The following TAFA1 variants were observed in gnomAD, a reference collection of about 807,000 sequenced individuals.
The protein encoded by TAFA1 is TAFA chemokine like family member 1.
Under a neutral mutation model 18.5 loss-of-function variants are expected in TAFA1, and 4 were observed. The observed-to-expected ratio is 0.22, with a 90% CI of 0.11 to 0.49. The LOEUF is 0.49. TAFA1 is among the 20% of genes least tolerant of loss of function. The pLI, the probability that TAFA1 is intolerant of heterozygous loss-of-function variation, is 0.98. For synonymous variants in TAFA1, 56 were observed against 55.2 expected (o/e 1.01, Z -0.06); for missense variants, 147 against 169.0 (o/e 0.87, Z 0.72).
intron 3 of TAFA1, among the ~76,000 whole-genome samples, chr3:68,440,028 G>T (rs1181141282): frequency 6.9e-6 from 1 of 145,742 alleles, no homozygotes; most frequent in Admixed American, 6.9e-5. Flanking sequence ...AAATTGATAT[G>T]GTTTAGCTGT....
At chr3:68,537,032 C>T (rs191134692) in intron 3 of TAFA1, among the ~76,000 whole-genome samples, 10 of 152,214 alleles carry the variant, frequency 6.6e-5, no homozygotes, top group East Asian at 3.9e-4. Context: ...CTAGGCTAGG[C>T]GATAAACCCT....
chr3:68,317,519 C>G (rs2068622800), intron 2 of TAFA1, among the ~76,000 whole-genome samples: 1 of 152,218 alleles, frequency 6.6e-6, no homozygotes, highest in South Asian at 2.1e-4. Context: ...ACACACAACA[C>G]TTCCACCCAC....
intron 2 of TAFA1, among the ~76,000 whole-genome samples, chr3:68,383,541 G>A (rs767499636): frequency 5.3e-5 from 8 of 151,960 alleles, no homozygotes; most frequent in East Asian, 1.9e-4. Flanking sequence ...CTACTTGATC[G>A]GGTGGAGAAG....
chr3:68,179,043 G>A (rs1290461475), intron 2 of TAFA1, among the ~76,000 whole-genome samples: 1 of 152,100 alleles, frequency 6.6e-6, no homozygotes, highest in East Asian at 1.9e-4. Flanking sequence ...GAGAGAAGGT[G>A]GTGCTAAGAA....
At position 68,313,625 on chromosome 3, in the gene TAFA1, G is replaced by A. The variant is rs116896641; in HGVS notation, c.119-103655G>A. ...CAAAATAATGAAGATGTATCAATAT[G>A]AATTGTATCCCCTCAGATGTATTAT... On this transcript the variant is annotated intron_variant, in intron 2 of 4. Coordinates refer to ENST00000478136, the MANE Select transcript of TAFA1 (RefSeq NM_213609.4). Among the ~76,000 whole-genome samples, 35 of 152,320 alleles carry A rather than the reference G, an allele frequency of 2.3e-4. No homozygotes were observed. In the East Asian group the frequency reaches 6.4e-3, roughly 28 times the overall value.
At chr3:68,331,121 TACTA>T (rs2068860443) in intron 2 of TAFA1, among the ~76,000 whole-genome samples, 2 of 66,048 alleles carry the variant, frequency 3.0e-5, no homozygotes, top group Non-Finnish European at 6.6e-5. Flanking sequence ...AAATATTAAG[TACTA>T]GTACATGCTA....
Position 68,077,068 on chromosome 3 carries a change from G to A in TAFA1, c.118+70324G>A, listed in dbSNP as rs1484314280. 2.7e-5 allele frequency among the ~76,000 whole-genome samples: 4 copies of A among 150,830 alleles called. No homozygotes were observed. The East Asian group carries it at 5.8e-4, about 22-fold the overall frequency. On this transcript the variant is annotated intron_variant, in intron 2 of 4. Transcript: ENST00000478136. ...TTTCTCTGATGGCCAGTGATGGTGAGCATTTTTTCATGTGTTTTTTGGCTG... is the reference window on the plus strand; with the variant it reads ...TTTCTCTGATGGCCAGTGATGGTGAACATTTTTTCATGTGTTTTTTGGCTG...
chr3:68,202,829 G>A (rs1163919035), intron 2 of TAFA1, among the ~76,000 whole-genome samples: 1 of 151,436 alleles, frequency 6.6e-6, no homozygotes, highest in East Asian at 2.0e-4. Context: ...TGAATAAATT[G>A]TTTTCTGTTA....
intron 2 of TAFA1, among the ~76,000 whole-genome samples, chr3:68,280,343 C>T (rs1410715164): frequency 6.6e-6 from 1 of 152,178 alleles, no homozygotes; most frequent in East Asian, 1.9e-4. Flanking sequence ...TTTAACAACC[C>T]TGGCTGGCAA....
intron 2 of TAFA1, among the ~76,000 whole-genome samples, chr3:68,181,249 G>C (rs961524785): frequency 6.6e-6 from 1 of 152,080 alleles, no homozygotes; most frequent in African/African-American, 2.4e-5. Flanking sequence ...GCCAAATTGT[G>C]CCCCAACTCC....
intron 2 of TAFA1, among the ~76,000 whole-genome samples, chr3:68,339,092 A>G (rs1229947151): frequency 6.6e-6 from 1 of 152,252 alleles, no homozygotes; most frequent in African/African-American, 2.4e-5. Context: ...TCGCATGGCC[A>G]AAACCAATAT....
intron 2 of TAFA1, among the ~76,000 whole-genome samples, chr3:68,149,196 T>C (rs1181516432): frequency 1.3e-5 from 2 of 152,188 alleles, no homozygotes; most frequent in East Asian, 3.9e-4. Flanking sequence ...TTTCCCTAAG[T>C]GCTTACTTGG....
chr3:68,227,735 T>C (rs1315096139), intron 2 of TAFA1, among the ~76,000 whole-genome samples: 1 of 152,244 alleles, frequency 6.6e-6, no homozygotes, highest in Non-Finnish European at 1.5e-5. Context: ...TAACTTTCTC[T>C]ATACAGATCT....
In TAFA1 at chr3:68,472,955, A is replaced by G. The variant is rs574472981; in HGVS notation, c.259+55535A>G. ...TTTAACACAGGAATGACAGGCTTAC[A>G]TGACTGGCATGAGGGCTAAGGTGGG... On this transcript the variant is annotated intron_variant, in intron 3 of 4. Coordinates refer to ENST00000478136, the MANE Select transcript of TAFA1 (RefSeq NM_213609.4). Among the ~76,000 whole-genome samples, 8 of 152,324 alleles carry G rather than the reference A, an allele frequency of 5.3e-5. No homozygotes were observed. In the South Asian group the frequency reaches 1.5e-3, roughly 28 times the overall value.
intron 3 of TAFA1, among the ~76,000 whole-genome samples, chr3:68,512,593 C>G (rs980941687): frequency 6.6e-6 from 1 of 152,034 alleles, no homozygotes; most frequent in Non-Finnish European, 1.5e-5. Context: ...CTTACTTAAT[C>G]AGCACAACAT....
At chr3:68,504,381 G>T (rs1329742342) in intron 3 of TAFA1, among the ~76,000 whole-genome samples, 5 of 152,140 alleles carry the variant, frequency 3.3e-5, no homozygotes, top group African/African-American at 4.8e-5. Flanking sequence ...GCATTTGCCT[G>T]CAACGGCCCC....
intron 3 of TAFA1, among the ~76,000 whole-genome samples, chr3:68,526,075 G>A (rs2073107664): frequency 2.0e-5 from 3 of 152,134 alleles, no homozygotes; most frequent in Non-Finnish European, 2.9e-5. Flanking sequence ...GGTGAGTTCA[G>A]AGTTAAGAGA....
intron 2 of TAFA1, among the ~76,000 whole-genome samples, chr3:68,331,397 A>G (rs1283926389): frequency 3.3e-5 from 5 of 152,230 alleles, no homozygotes; most frequent in African/African-American, 1.2e-4. Flanking sequence ...AATGTACTAA[A>G]TGCCACTAAA....
the TAFA1 span, among the ~76,000 whole-genome samples, chr3:67,992,673 A>G: frequency 5.9e-5 from 9 of 152,166 alleles, no homozygotes; most frequent in African/African-American, 1.9e-4. Context: ...TATTCCAGTA[A>G]AACTTAATTT....
Sources: allele counts gnomAD v4.1 joint callset (sites outside exome capture counted in the v4.1 genomes callset), GRCh38; gene constraint gnomAD v4.1.1; transcripts MANE v1.5; gene names NCBI Gene and HGNC (gene_info 2026-07-23, HGNC 2026-07-21).